The following ADGRL3 variants were observed in gnomAD, a reference collection of about 807,000 sequenced individuals.
ADGRL3 encodes the protein calcium-independent alpha-latrotoxin receptor 3.
Under a neutral mutation model 153.5 loss-of-function variants are expected in ADGRL3, and 62 were observed. The observed-to-expected ratio is 0.40, with a 90% CI of 0.33 to 0.50. ADGRL3 has a LOEUF of 0.50. Among genes scored for constraint, ADGRL3 ranks in the 20% least tolerant of loss-of-function variants. The pLI, the probability that ADGRL3 is intolerant of heterozygous loss-of-function variation, is 0.47. For missense variants in ADGRL3, 1,641 were observed against 1,859.4 expected, an observed-to-expected ratio of 0.88 and a Z score of 2.16; for synonymous variants, 710 against 672.5, an observed-to-expected ratio of 1.06 and a Z score of -0.86.
chr4:61,707,943 G>A (rs1241749605), intron 6 of ADGRL3, among the ~76,000 whole-genome samples: 1 of 151,962 alleles, frequency 6.6e-6, no homozygotes, highest in Non-Finnish European at 1.5e-5. Flanking sequence ...TTCAATGTGG[G>A]TCACTCTCTC....
chr4:62,011,127 T>A (rs1329197404), intron 21 of ADGRL3, among the ~76,000 whole-genome samples: 1 of 152,148 alleles, frequency 6.6e-6, no homozygotes, highest in Non-Finnish European at 1.5e-5. Context: ...AAAAATAAAG[T>A]ATTTGATTCC....
At chr4:61,239,167 T>C (rs1753979058) in intron 1 of ADGRL3, among the ~76,000 whole-genome samples, 1 of 152,152 alleles carries the variant, frequency 6.6e-6, no homozygotes, top group Non-Finnish European at 1.5e-5. Flanking sequence ...CTATAACAAA[T>C]GGTGGTGGTT....
intron 25 of ADGRL3, among the ~76,000 whole-genome samples, chr4:62,061,396 A>G (rs546932832): frequency 6.6e-6 from 1 of 152,012 alleles, no homozygotes; most frequent in South Asian, 2.1e-4. Flanking sequence ...GCAATATCAC[A>G]CCAGAATATT....
chr4:61,672,037 T>C (rs573618277), intron 5 of ADGRL3, among the ~76,000 whole-genome samples: 22 of 152,314 alleles, frequency 1.4e-4, no homozygotes, highest in Non-Finnish European at 3.1e-4. Context: ...TTTTGTTTGC[T>C]GTACAGAAGC....
chr4:61,471,233 C>A (rs1427881674), intron 2 of ADGRL3, among the ~76,000 whole-genome samples: 3 of 151,630 alleles, frequency 2.0e-5, no homozygotes, highest in Admixed American at 2.0e-4. Context: ...TCTATATTTT[C>A]CATGGAACTA....
chr4:61,752,233 T>C (rs1427024216), intron 8 of ADGRL3, among the ~76,000 whole-genome samples: 1 of 152,186 alleles, frequency 6.6e-6, no homozygotes, highest in Non-Finnish European at 1.5e-5. Context: ...TTTTATTTAA[T>C]ATAAGTTTTG....
At chr4:61,686,719 T>C (rs898387613) in intron 6 of ADGRL3, among the ~76,000 whole-genome samples, 6 of 152,240 alleles carry the variant, frequency 3.9e-5, no homozygotes, top group African/African-American at 1.2e-4. Flanking sequence ...TCCTGTGCAA[T>C]AGAACAACAA....
intron 2 of ADGRL3, among the ~76,000 whole-genome samples, chr4:61,436,190 A>T (rs1031630189): frequency 2.0e-5 from 3 of 152,182 alleles, no homozygotes; most frequent in Non-Finnish European, 2.9e-5. Context: ...GTAAAACATT[A>T]AGAGTCTCTT....
chr4:61,381,508 A>G (rs2096668506), intron 1 of ADGRL3, among the ~76,000 whole-genome samples: 1 of 151,942 alleles, frequency 6.6e-6, no homozygotes, highest in Non-Finnish European at 1.5e-5. Context: ...AAAGAGGTAT[A>G]GGAGTGTCAG....
intron 8 of ADGRL3, among the ~76,000 whole-genome samples, chr4:61,800,104 T>C (rs1413935038): frequency 6.6e-6 from 1 of 151,886 alleles, no homozygotes. Flanking sequence ...TTGATTAAAG[T>C]TAATTAAAGT....
chr4:61,960,105 C>T (rs2150471922), intron 17 of ADGRL3, among the ~76,000 whole-genome samples: 1 of 152,286 alleles, frequency 6.6e-6, no homozygotes, highest in East Asian at 1.9e-4. Flanking sequence ...TTAACTTTAT[C>T]CAAAAGCTAA....
chr4:61,286,305 CTT>C (rs1215849315), intron 1 of ADGRL3, among the ~76,000 whole-genome samples: 4 of 138,278 alleles, frequency 2.9e-5, no homozygotes, highest in African/African-American at 7.9e-5. Context: ...TGAAGGTTTT[CTT>C]TTTTTTTTTT....
At position 61,417,574 on chromosome 4, in the gene ADGRL3, C is replaced by T. The variant is rs566040631; in HGVS notation, c.-174+34385C>T. Among the ~76,000 whole-genome samples the T allele has an allele frequency of 3.5e-3, 500 of 144,172 alleles. 1 individual carries two copies. Among genetic ancestry groups the T allele is most frequent in the Non-Finnish European group, 5.5e-3 (362 of 66,234 alleles). 94.6% of individuals were successfully genotyped at this position (144,172 alleles called of 152,430 possible). ...TAGACAGTTTGTGAAGCACTGGTTT[C>T]GAAAAAAAAAAAAGTCTTGTTTGAG... is the stretch of plus-strand genomic sequence containing the variant. On this transcript the variant is annotated intron_variant, in intron 2 of 26. Transcript: ENST00000683033.
intron 4 of ADGRL3, among the ~76,000 whole-genome samples, chr4:61,546,800 A>T (rs1477780444): frequency 6.6e-6 from 1 of 152,210 alleles, no homozygotes; most frequent in Non-Finnish European, 1.5e-5. Flanking sequence ...CACAAAAAAA[A>T]TTGAAGAAAT....
intron 8 of ADGRL3, among the ~76,000 whole-genome samples, chr4:61,745,983 C>T (rs530473710): frequency 1.3e-5 from 2 of 152,054 alleles, no homozygotes; most frequent in African/African-American, 4.8e-5. Context: ...TGCAGACACA[C>T]AAAAGCTCAA....
intron 4 of ADGRL3, among the ~76,000 whole-genome samples, chr4:61,569,272 T>C (rs1190551175): frequency 6.6e-6 from 1 of 152,200 alleles, no homozygotes; most frequent in African/African-American, 2.4e-5. Context: ...TATTTATATG[T>C]AATTCACATG....
At chr4:61,447,121 C>T (rs1385900492) in intron 2 of ADGRL3, among the ~76,000 whole-genome samples, 4 of 152,136 alleles carry the variant, frequency 2.6e-5, no homozygotes, top group Non-Finnish European at 5.9e-5. Flanking sequence ...CCCATGGTAA[C>T]TGCCTGTTTT....
chr4:61,506,252 G>A (rs568776787), intron 3 of ADGRL3, among the ~76,000 whole-genome samples: 1 of 152,110 alleles, frequency 6.6e-6, no homozygotes, highest in East Asian at 1.9e-4. Context: ...ATTTAATCCT[G>A]GCAGAATGGG....
chr4:61,971,110 TGAA>T (rs1177078716), intron 17 of ADGRL3, among the ~76,000 whole-genome samples: 2 of 152,158 alleles, frequency 1.3e-5, no homozygotes, highest in South Asian at 4.1e-4. Context: ...TACAATATGT[TGAA>T]GAGGCAATTT....
Sources: allele counts gnomAD v4.1 joint callset (sites outside exome capture counted in the v4.1 genomes callset), GRCh38; gene constraint gnomAD v4.1.1; transcripts MANE v1.5; gene names NCBI Gene and HGNC (gene_info 2026-07-23, HGNC 2026-07-21).